Variants in MYH7B observed in about 807,000 individuals in gnomAD.
MYH7B encodes myosin heavy chain 7B, also known as myosin-7B.
In MYH7B, 205 loss-of-function variants were observed where a neutral mutation model predicts 234.5. The observed-to-expected ratio is 0.87, with a 90% confidence interval of 0.78 to 0.98. MYH7B has a LOEUF of 0.98. Ranked by LOEUF, MYH7B falls within the 50% of genes least tolerant of loss-of-function variation. The pLI is 0.00. For synonymous variants in MYH7B, 1,193 were observed against 1,105.0 expected (o/e 1.08, Z -1.58); for missense variants, 2,652 against 2,633.4 (o/e 1.01, Z -0.15).
At chr20:34,995,569 T>C (rs1482618479) in exon 28 of MYH7B, 1 of 1,613,892 alleles carries the variant, frequency 6.2e-7, no homozygotes, top group African/African-American at 1.3e-5. Flanking sequence ...AGCAAGCCAC[T>C]GAGAACAAGG....
At chr20:34,988,363 T>C in intron 19 of MYH7B, 101 bp downstream of exon 19, 4 of 1,311,340 alleles carry the variant, frequency 3.1e-6, no homozygotes, top group Non-Finnish European at 3.2e-6. Context: ...CAAGTGTGCA[T>C]GGAAGCGTGT....
chr20:34,997,792 C>T (rs2082292598), intron 32 of MYH7B, 152 bp downstream of exon 32: 2 of 1,001,850 alleles, frequency 2.0e-6, no homozygotes, highest in South Asian at 3.3e-5. Context: ...TCTCAGCCTC[C>T]TACCAGTCCT....
rs758567295 is a variant in MYH7B, at chr20:35,001,293, G to A, written c.5524G>A (p.Glu1842Lys). The A allele has an allele frequency of 1.4e-5, 23 of 1,612,838 alleles. No homozygotes were observed. Among genetic ancestry groups the A allele is most frequent in the African/African-American group, 6.7e-5 (5 of 74,938 alleles). ...TGATGCAGAGCAGAAGAAGCACGCCGAGGCCCTTAAGGGCGTGCGCAAGCA... is the reference window on the plus strand; with the variant it reads ...TGATGCAGAGCAGAAGAAGCACGCCAAGGCCCTTAAGGGCGTGCGCAAGCA... Residue 1842 changes from glutamate (E) to lysine (K), a missense_variant, in exon 42 of 45, where the codon GAG becomes AAG. This residue lies in a region of MYH7B where 2,279 missense variants were observed against 2,211.4 expected (regional missense o/e 1.03). Transcript: ENST00000262873.
exon 31 of MYH7B, chr20:34,997,143 C>G (rs2082275832): frequency 1.3e-6 from 2 of 1,549,560 alleles, no homozygotes; most frequent in Non-Finnish European, 1.7e-6. Context: ...TCTTGGGGGC[C>G]CAGATGCAGA....
At chr20:34,984,823 C>T in intron 11 of MYH7B, 31 bp from the exon 12 acceptor site, 1 of 1,603,684 alleles carries the variant, frequency 6.2e-7, no homozygotes, top group South Asian at 1.1e-5. Context: ...GGCACCAGAA[C>T]TGACAGACCC....
chr20:34,992,904 T>G (rs957512090), intron 24 of MYH7B, among the ~76,000 whole-genome samples, 198 bp from the exon 25 acceptor site: 1 of 152,110 alleles, frequency 6.6e-6, no homozygotes, highest in Non-Finnish European at 1.5e-5. Context: ...GTGTCCCTAG[T>G]GTCCCAGTGT....
intron 5 of MYH7B, 89 bp from the exon 6 acceptor site, chr20:34,979,301 C>A: frequency 9.8e-7 from 1 of 1,016,608 alleles, no homozygotes; most frequent in Non-Finnish European, 1.5e-6. Flanking sequence ...AGGGTCACAG[C>A]TGTATGGATA....
chr20:34,991,301 G>C (rs771438679), intron 24 of MYH7B, among the ~76,000 whole-genome samples, 180 bp downstream of exon 24: 37 of 152,198 alleles, frequency 2.4e-4, no homozygotes, highest in Non-Finnish European at 4.6e-4. Flanking sequence ...CGGGGACTTG[G>C]GGAGAAGTGA....
At chr20:34,988,376 C>CT in intron 19 of MYH7B, 114 bp downstream of exon 19, 1 of 1,199,788 alleles carries the variant, frequency 8.3e-7, no homozygotes. Context: ...AAGCGTGTGA[C>CT]TGTGCGTTGC....
chr20:34,997,291 G>C, exon 32 of MYH7B: 1 of 1,555,420 alleles, frequency 6.4e-7, no homozygotes, highest in South Asian at 1.2e-5. Context: ...GAGGCAGAGC[G>C]GGCAGCCCGG....
chr20:34,981,230 C>T (rs2081936849), intron 9 of MYH7B, 170 bp downstream of exon 9: 3 of 751,780 alleles, frequency 4.0e-6, no homozygotes, highest in Non-Finnish European at 6.5e-6. Flanking sequence ...ACTTTCCCTG[C>T]CCCCATTCTG....
chr20:34,956,386 C>T (rs1342495395), intron 1 of MYH7B, among the ~76,000 whole-genome samples: 1 of 152,168 alleles, frequency 6.6e-6, no homozygotes, highest in African/African-American at 2.4e-5. Context: ...GTACCGTTTA[C>T]ATCAGGATCT....
chr20:34,982,220 G>C (rs1041009774), intron 9 of MYH7B, among the ~76,000 whole-genome samples: 2 of 152,152 alleles, frequency 1.3e-5, no homozygotes, highest in Admixed American at 1.3e-4. Context: ...TGAGCCAATG[G>C]AGTAAAGTGC....
chr20:35,000,364 C>A, exon 39 of MYH7B: 1 of 1,598,746 alleles, frequency 6.3e-7, no homozygotes, highest in Non-Finnish European at 8.5e-7. Context: ...CGCAATGAGG[C>A]GCTGCGGCTC....
At chr20:35,001,674 C>T in intron 43 of MYH7B, 148 bp downstream of exon 43, 1 of 814,448 alleles carries the variant, frequency 1.2e-6, no homozygotes, top group Non-Finnish European at 1.9e-6. Context: ...CTGGGGAGAT[C>T]AGACCTAGCT....
intron 9 of MYH7B, chr20:34,982,127 A>G (rs2081950387): frequency 3.5e-6 from 1 of 289,272 alleles, no homozygotes; most frequent in Admixed American, 4.8e-5. Flanking sequence ...AGGGACAGCC[A>G]CAGAACTCCT....
At chr20:34,979,541 C>A (rs762954401) in intron 6 of MYH7B, 45 bp downstream of exon 6, 2 of 1,597,078 alleles carry the variant, frequency 1.3e-6, no homozygotes, top group African/African-American at 2.7e-5. Flanking sequence ...GTCCCTAGGC[C>A]TCCTGGCCAA....
intron 24 of MYH7B, 77 bp downstream of exon 24, chr20:34,991,198 C>A: frequency 9.9e-7 from 1 of 1,007,580 alleles, no homozygotes; most frequent in Admixed American, 2.4e-5. Flanking sequence ...TATCAGAGCC[C>A]AACAGACGGT....
Position 35,001,941 on chromosome 20 carries a change from C to T in MYH7B, c.5677-7C>T. Reference sequence around the variant, plus strand: ...AAGCGGAACCAAGGCCCTGTGTGTGCCCCCAGGAGCAGCAGGCCAACACCA... The same window carrying T: ...AAGCGGAACCAAGGCCCTGTGTGTGTCCCCAGGAGCAGCAGGCCAACACCA... On this transcript the variant is annotated splice_region_variant and splice_polypyrimidine_tract_variant and intron_variant, in intron 43 of 44. Transcript: ENST00000262873. The T allele has an allele frequency of 1.2e-6, 2 of 1,610,336 alleles. No homozygotes were observed. Among genetic ancestry groups the T allele is most frequent in the Non-Finnish European group, 1.7e-6 (2 of 1,178,012 alleles).
Sources: gnomAD v4.1 joint callset for allele counts (sites outside exome capture counted in the v4.1 genomes callset) on GRCh38, gnomAD v4.1.1 for gene constraint, gnomAD v4.1.1 regional missense constraint, MANE v1.5 for transcripts, NCBI Gene and HGNC (gene_info 2026-07-23, HGNC 2026-07-21) for gene names.